Variants in TASP1 observed in about 807,000 individuals in gnomAD.
TASP1 encodes the protein taspase 1.
In TASP1, 16 loss-of-function variants were observed where a neutral mutation model predicts 56.6. That is an observed-to-expected ratio of 0.28 (90% CI 0.19 to 0.43). The LOEUF is 0.43. Among genes scored for constraint, TASP1 ranks in the 20% least tolerant of loss-of-function variants. TASP1 has a pLI of 1.00. For synonymous variants in TASP1, 179 were observed against 184.2 expected (o/e 0.97, Z 0.23); for missense variants, 393 against 511.6 (o/e 0.77, Z 2.24).
intron 4 of TASP1, 49 bp from the exon 5 acceptor site, chr20:13,587,419 AT>A (rs769339457): frequency 2.0e-6 from 3 of 1,490,986 alleles, no homozygotes; most frequent in Non-Finnish European, 2.7e-6. Context: ...TAAAAAAAGT[AT>A]TAATGTCAGT....
At chr20:13,314,923 G>T in the TASP1 span, among the ~76,000 whole-genome samples, 1 of 152,014 alleles carries the variant, frequency 6.6e-6, no homozygotes, top group Admixed American at 6.6e-5. Flanking sequence ...TTATTATAAG[G>T]TTCTCACACT....
chr20:13,308,418 A>C, the TASP1 span, among the ~76,000 whole-genome samples: 1 of 152,188 alleles, frequency 6.6e-6, no homozygotes. Flanking sequence ...GGCGATGAGG[A>C]AACAGAAACT....
chr20:13,110,552 T>A, the TASP1 span, among the ~76,000 whole-genome samples: 193 of 152,264 alleles, frequency 1.3e-3, 2 homozygotes, highest in African/African-American at 4.1e-3. Context: ...TTATTCAAGA[T>A]CAAAACACTC....
chr20:13,627,487 C>T (rs561570172), intron 2 of TASP1, among the ~76,000 whole-genome samples: 18 of 152,266 alleles, frequency 1.2e-4, no homozygotes, highest in African/African-American at 4.1e-4. Context: ...CACGGTGGCT[C>T]ATGCCTGTAA....
intron 10 of TASP1, among the ~76,000 whole-genome samples, chr20:13,506,110 C>T (rs2044121184): frequency 6.6e-6 from 1 of 152,018 alleles, no homozygotes. Context: ...AAGACACTAC[C>T]ATGAACAATT....
the TASP1 span, among the ~76,000 whole-genome samples, chr20:13,251,096 C>G: frequency 6.6e-6 from 1 of 152,174 alleles, no homozygotes; most frequent in African/African-American, 2.4e-5. Context: ...TTCTGCCTCC[C>G]TCCCTATAAT....
chr20:13,288,155 A>T, the TASP1 span, among the ~76,000 whole-genome samples: 10 of 152,156 alleles, frequency 6.6e-5, no homozygotes, highest in African/African-American at 2.4e-4. Context: ...GAGAAAATAG[A>T]TTCTCCTCTC....
At chr20:13,254,595 G>C in the TASP1 span, among the ~76,000 whole-genome samples, 2 of 152,144 alleles carry the variant, frequency 1.3e-5, no homozygotes, top group Non-Finnish European at 2.9e-5. Flanking sequence ...CAGGTGGCAA[G>C]AGCTGTTGGT....
At chr20:13,338,717 G>C in the TASP1 span, among the ~76,000 whole-genome samples, 1 of 152,138 alleles carries the variant, frequency 6.6e-6, no homozygotes, top group South Asian at 2.1e-4. Context: ...GGACTTGCTT[G>C]AATTTACAGT....
intron 5 of TASP1, among the ~76,000 whole-genome samples, chr20:13,583,764 G>A (rs1018978504): frequency 2.6e-5 from 4 of 152,162 alleles, no homozygotes; most frequent in East Asian, 1.9e-4. Context: ...TAAGGGTATC[G>A]TGAGAACTAA....
At chr20:13,249,774 TGTTGC>T in the TASP1 span, among the ~76,000 whole-genome samples, 1 of 134,094 alleles carries the variant, frequency 7.5e-6, no homozygotes, top group African/African-American at 3.0e-5. Context: ...CATCATTTTT[TGTTGC>T]GTTTTGTTTT....
At chr20:13,280,520 T>C in the TASP1 span, among the ~76,000 whole-genome samples, 1 of 152,186 alleles carries the variant, frequency 6.6e-6, no homozygotes, top group South Asian at 2.1e-4. Flanking sequence ...CATTTCTCAC[T>C]TGAGTTGGGT....
chr20:13,518,502 C>T (rs1368043912), intron 10 of TASP1, among the ~76,000 whole-genome samples: 1 of 151,960 alleles, frequency 6.6e-6, no homozygotes, highest in East Asian at 1.9e-4. Flanking sequence ...AAATTAAGCC[C>T]CAAACACCTC....
At chr20:13,576,347 A>AAGAAAGAAAGAT (rs1333931240) in intron 6 of TASP1, among the ~76,000 whole-genome samples, 2 of 64,134 alleles carry the variant, frequency 3.1e-5, no homozygotes, top group African/African-American at 1.5e-4. Context: ...GAAAGGAAGA[A>AAGAAAGAAAGAT]AGAAAGAAAG....
the TASP1 span, among the ~76,000 whole-genome samples, chr20:13,313,431 C>CA: frequency 1.3e-5 from 2 of 152,170 alleles, no homozygotes; most frequent in African/African-American, 4.8e-5. Context: ...AAACCCTGTT[C>CA]AAATAAGGTA....
At chr20:13,140,426 G>A in the TASP1 span, among the ~76,000 whole-genome samples, 2 of 152,166 alleles carry the variant, frequency 1.3e-5, no homozygotes, top group African/African-American at 4.8e-5. Flanking sequence ...CAGCCCTTGA[G>A]TAACTAAGGT....
At chr20:13,376,264 A>G in the TASP1 span, among the ~76,000 whole-genome samples, 9 of 152,180 alleles carry the variant, frequency 5.9e-5, no homozygotes, top group African/African-American at 2.2e-4. Context: ...AGGTGTAAGG[A>G]AGGGGTCCAG....
the TASP1 span, chr20:13,270,773 T>C: frequency 1.9e-6 from 3 of 1,600,706 alleles, no homozygotes; most frequent in Non-Finnish European, 2.6e-6. Context: ...AGATGGGAGA[T>C]AACAAAACAG....
intron 12 of TASP1, among the ~76,000 whole-genome samples, chr20:13,424,525 G>A (rs1439471985): frequency 1.3e-5 from 2 of 151,908 alleles, no homozygotes; most frequent in Non-Finnish European, 2.9e-5. Context: ...GATTACATGA[G>A]GAAGACCATG....
Sources: allele counts gnomAD v4.1 joint callset (sites outside exome capture counted in the v4.1 genomes callset), GRCh38; gene constraint gnomAD v4.1.1; transcripts MANE v1.5; gene names NCBI Gene and HGNC (gene_info 2026-07-23, HGNC 2026-07-21).